Variants in EML2 observed in about 807,000 individuals in gnomAD.
The protein encoded by EML2 is echinoderm microtubule-associated protein-like 2.
Under a neutral mutation model 84.7 loss-of-function variants are expected in EML2, and 59 were observed. The observed-to-expected ratio is 0.70, with a 90% CI of 0.56 to 0.86. EML2 has a LOEUF of 0.86. Among genes scored for constraint, EML2 ranks in the 40% least tolerant of loss-of-function variants. The pLI, the probability that EML2 is intolerant of heterozygous loss-of-function variation, is 0.00. For missense variants in EML2, 818 were observed against 855.6 expected (o/e 0.96, Z 0.55); for synonymous variants, 352 against 348.9 (o/e 1.01, Z -0.10).
intron 15 of EML2, 190 bp downstream of exon 15, chr19:45,616,271 G>A: frequency 1.7e-6 from 1 of 579,420 alleles, no homozygotes; most frequent in Non-Finnish European, 3.1e-6. Context: ...ACGTGGGGGC[G>A]GGGCTACACA....
At position 45,618,500 on chromosome 19, in the gene EML2, G is replaced by A. The variant is rs547136056; in HGVS notation, c.1254+560C>T. ...CGGTCACACCTTCCTTGAACTCAGC[G>A]GCTCCTGACTCCCCCCTCCTCATGG... On this transcript the variant is annotated intron_variant, in intron 12 of 18. Transcript: ENST00000245925. Among the ~76,000 whole-genome samples the A allele has an allele frequency of 2.0e-4, 30 of 152,074 alleles. No homozygotes were observed. In the South Asian group the frequency reaches 5.4e-3, roughly 27 times the overall value.
chr19:45,621,477 C>T lies in EML2; in HGVS notation c.996+6G>A. On this transcript the variant is annotated splice_donor_region_variant and intron_variant, in intron 10 of 18. Coordinates refer to ENST00000245925, the MANE Select transcript of EML2 (RefSeq NM_012155.4). ...ACCCCCATCTGAGCCCACTGCCCCT[C>T]CTCACCTCCACTTCCTGCAGCTTGC... 1.9e-6 allele frequency: 3 copies of T among 1,608,732 alleles called. No individual in the cohort carries two copies. Among genetic ancestry groups the T allele is most frequent in the South Asian group, 1.1e-5 (1 of 90,986 alleles).
intron 9 of EML2, 126 bp downstream of exon 9, chr19:45,624,593 C>T (rs925169361): frequency 2.2e-5 from 15 of 685,234 alleles, no homozygotes; most frequent in Admixed American, 8.0e-5. Flanking sequence ...TGAACCTTGA[C>T]GAGGGTGTTG....
chr19:45,627,860 G>A (rs906599230), intron 7 of EML2, among the ~76,000 whole-genome samples: 3 of 152,012 alleles, frequency 2.0e-5, no homozygotes, highest in Admixed American at 6.6e-5. Context: ...TCGGGAGTTC[G>A]AGGCCAGCCT....
upstream of EML2, among the ~76,000 whole-genome samples, chr19:45,643,232 C>CT (rs1399101457): frequency 1.3e-5 from 2 of 152,172 alleles, no homozygotes; most frequent in Admixed American, 1.3e-4. Context: ...GTTTCCCCTC[C>CT]TCTCCTCACC....
chr19:45,645,384 C>A, upstream of EML2: 3 of 1,511,912 alleles, frequency 2.0e-6, no homozygotes, highest in Non-Finnish European at 2.6e-6. Flanking sequence ...CCAGCCCGGG[C>A]CCGGTCCCCC....
At chr19:45,614,872 C>T (rs1970852815) in intron 16 of EML2, 172 bp from the exon 17 acceptor site, 3 of 572,330 alleles carry the variant, frequency 5.2e-6, no homozygotes, top group Non-Finnish European at 9.5e-6. Flanking sequence ...GTCTTCACAG[C>T]CCGCAGCGTA....
chr19:45,623,298 G>A (rs905045777), intron 9 of EML2, among the ~76,000 whole-genome samples: 2 of 152,004 alleles, frequency 1.3e-5, no homozygotes, highest in Non-Finnish European at 2.9e-5. Flanking sequence ...GGCAGAGCTT[G>A]CAGTGAGCCG....
At chr19:45,621,124 A>G (rs543436899) in intron 11 of EML2, 83 bp downstream of exon 11, 92 of 1,539,050 alleles carry the variant, frequency 6.0e-5, no homozygotes, top group Non-Finnish European at 7.8e-5. Flanking sequence ...GAGAACTGGG[A>G]GTGGGGAGGG....
In EML2 at chr19:45,630,021, A is replaced by G. The variant is rs748842564; in HGVS notation, c.536T>C (p.Val179Ala). The change falls in exon 7 of 19, where the codon GTG becomes GCG. Residue 179 changes from valine (V) to alanine (A), a missense_variant. Val to Ala is a moderately conservative substitution (Grantham distance 64). Transcript: ENST00000245925. ...KSNGGNLLCA[V>A]DESNDHMLSV... The stretch of plus-strand genomic sequence containing the variant: ...GAGCATGTGATCATTGGATTCATCC[A>G]CTGCACACAGCAGGTTGCCTCCATT... 2 of 1,613,084 alleles carry G rather than the reference A, an allele frequency of 1.2e-6. No individual in the cohort carries two copies. The highest frequency in any genetic ancestry group is 2.2e-5 in the South Asian group (2 of 91,036).
chr19:45,621,557 G>T lies in EML2; in HGVS notation c.922C>A (p.Leu308Met). Residue 308 changes from leucine (L) to methionine (M), a missense_variant, in exon 10 of 19, where the codon CTG becomes ATG. Physicochemically the swap from Leu to Met is conservative, Grantham distance 15. Transcript: ENST00000245925. The stretch of plus-strand genomic sequence containing the variant: ...CGATCACGGCCCCCTCCAGACACCA[G>T]CGTCCCGTCCCGCAGGGCGCAGAGC... ...FGLCALRDGTLVSGGGRDRRV... is the reference protein window; with the variant it reads ...FGLCALRDGTMVSGGGRDRRV... The T allele has an allele frequency of 6.2e-7, 1 of 1,612,930 alleles. No individual in the cohort carries two copies. Among genetic ancestry groups the T allele is most frequent in the Non-Finnish European group, 8.5e-7 (1 of 1,179,954 alleles).
upstream of EML2, chr19:45,642,261 C>A (rs540063121): frequency 1.5e-5 from 23 of 1,535,970 alleles, no homozygotes; most frequent in African/African-American, 2.9e-4. Context: ...CCTTTAGGAC[C>A]GCCAGCTCGT....
chr19:45,619,825 C>G (rs1175543979), intron 11 of EML2, among the ~76,000 whole-genome samples: 1 of 152,084 alleles, frequency 6.6e-6, no homozygotes, highest in Non-Finnish European at 1.5e-5. Flanking sequence ...GAGGCTGAGG[C>G]AGGAAGATTG....
chr19:45,645,629 T>G (rs976033122), upstream of EML2: 38 of 556,766 alleles, frequency 6.8e-5, no homozygotes, highest in African/African-American at 6.7e-4. Context: ...AACCGGAGTA[T>G]AGTCTCTCTA....
intron 17 of EML2, 77 bp downstream of exon 17, chr19:45,614,528 A>G: frequency 1.6e-6 from 2 of 1,274,480 alleles, no homozygotes; most frequent in Admixed American, 1.7e-5. Flanking sequence ...GTAAGCAGTA[A>G]GACTCTGGAA....
chr19:45,642,178 G>C (rs541800318), upstream of EML2: 6,019 of 1,530,370 alleles, frequency 3.9e-3, 35 homozygotes, highest in Middle Eastern at 8.8e-3. Context: ...GCCCTTGGGG[G>C]TGCCCCGCGC....
intron 15 of EML2, chr19:45,616,143 C>G (rs1971032139): frequency 1.8e-6 from 1 of 554,274 alleles, no homozygotes; most frequent in African/African-American, 1.9e-5. Context: ...GTGGGCAGGG[C>G]TAGACACGGA....
At chr19:45,621,692 C>G (rs56225956) in intron 9 of EML2, 55 bp from the exon 10 acceptor site, 375,182 of 1,546,980 alleles carry the variant, frequency 0.24, 46,491 homozygotes, top group East Asian at 0.33. Flanking sequence ...TATGCTGACC[C>G]CTGAAAGCAT....
chr19:45,616,320 G>A, intron 15 of EML2, 141 bp downstream of exon 15: 1 of 630,042 alleles, frequency 1.6e-6, no homozygotes, highest in Non-Finnish European at 2.8e-6. Context: ...GTGAATGTGT[G>A]GACGTGGCCA....
Sources: gnomAD v4.1 joint callset for allele counts (sites outside exome capture counted in the v4.1 genomes callset) on GRCh38, gnomAD v4.1.1 for gene constraint, MANE v1.5 for transcripts, NCBI Gene and HGNC (gene_info 2026-07-23, HGNC 2026-07-21) for gene names.